The following WAC variants were observed in gnomAD, a reference collection of about 807,000 sequenced individuals.
WAC encodes the protein WW domain containing adaptor with coiled-coil, also known as WW domain-containing adapter protein with coiled-coil.
A neutral mutation model predicts 79.6 loss-of-function variants in WAC; 11 were observed. The ratio of observed to expected loss-of-function variants is 0.14; its 90% CI spans 0.09 to 0.23. The LOEUF (loss-of-function observed/expected upper bound fraction) is 0.23. Among genes scored for constraint, WAC ranks in the 10% least tolerant of loss-of-function variants. WAC has a pLI of 1.00. For synonymous variants in WAC, 304 were observed against 276.9 expected (o/e 1.10, Z -0.97); for missense variants, 728 against 773.5 (o/e 0.94, Z 0.70).
chr10:28,535,882 C>A, intron 3 of WAC, 125 bp downstream of exon 3: 1 of 851,494 alleles, frequency 1.2e-6, no homozygotes, highest in Non-Finnish European at 1.7e-6. Context: ...TATTTTAATC[C>A]TATCATTTTT....
intron 2 of WAC, chr10:28,534,484 C>T: frequency 6.3e-6 from 1 of 157,878 alleles, no homozygotes; most frequent in Admixed American, 6.5e-5. Context: ...AAAGTACTAC[C>T]CTTTCCCCTT....
At chr10:28,563,769 T>TTTTTTTTTTTTTTA (rs1163758803) in intron 3 of WAC, among the ~76,000 whole-genome samples, 20 of 120,550 alleles carry the variant, frequency 1.7e-4, no homozygotes, top group Non-Finnish European at 3.4e-4. Context: ...TTTTTTTTTT[T>TTTTTTTTTTTTTTA]TTTTGTATTT....
rs185566530 is a variant in WAC at position 28,606,610 on chromosome 10, G to A, written c.920-1576G>A. 1.6e-4 allele frequency among the ~76,000 whole-genome samples: 25 copies of A among 152,284 alleles called. No homozygotes were observed. In the East Asian group the frequency reaches 4.8e-3, roughly 29 times the overall value. The stretch of plus-strand genomic sequence containing the variant: ...CCTAGTTCTTTCGACCATTATAGTA[G>A]TGTAAAAAGACTCATAGGGGAGTCT... On this transcript the variant is annotated intron_variant, in intron 7 of 13. Coordinates refer to ENST00000354911, the MANE Select transcript of WAC (RefSeq NM_016628.5).
At chr10:28,617,603 T>C in intron 12 of WAC, 54 bp from the exon 13 acceptor site, 1 of 1,447,744 alleles carries the variant, frequency 6.9e-7, no homozygotes, top group Non-Finnish European at 9.2e-7. Context: ...TAATGTTTTA[T>C]TTTGTGTATG....
chr10:28,616,710 T>TA lies in WAC; in HGVS notation c.1746+350dup, dbSNP rs1841484188. Among the ~76,000 whole-genome samples the TA allele has an allele frequency of 2.0e-5, 3 of 152,212 alleles. No individual in the cohort carries two copies. The South Asian group carries it at 6.2e-4, about 32-fold the overall frequency. ...GACCTTGATCCCAGGGTCACCCAGT[T>TA]AACAGTGATGTGGCTCAAAGCCAGT... On this transcript the variant is annotated intron_variant, in intron 12 of 13. Coordinates refer to ENST00000354911, the MANE Select transcript of WAC (RefSeq NM_016628.5).
intron 4 of WAC, among the ~76,000 whole-genome samples, chr10:28,585,455 G>A (rs1839769640): frequency 6.6e-6 from 1 of 152,140 alleles, no homozygotes; most frequent in Non-Finnish European, 1.5e-5. Context: ...ACTATCAAAG[G>A]GTGGGACTGG....
At position 28,620,740 on chromosome 10, in the gene WAC, T is replaced by C. The variant is rs746255050; in HGVS notation, c.*1134T>C. On this transcript the variant is annotated 3_prime_UTR_variant, in exon 14 of 14. Transcript: ENST00000354911. ...AAGAAATTCAACAAGAATGATTAAGTCACTTCCCAAGTGGTTGTCATTTGT... is the reference window on the plus strand; with the variant it reads ...AAGAAATTCAACAAGAATGATTAAGCCACTTCCCAAGTGGTTGTCATTTGT... The C allele has an allele frequency of 1.4e-4, 22 of 152,240 alleles. No individual in the cohort carries two copies. Among genetic ancestry groups the C allele is most frequent in the Non-Finnish European group, 2.8e-4 (19 of 68,040 alleles). 9.4% of individuals were successfully genotyped at this position (152,240 alleles called of 1,614,324 possible).
chr10:28,563,744 C>CATTTTTT, intron 3 of WAC, among the ~76,000 whole-genome samples: 1 of 67,936 alleles, frequency 1.5e-5, no homozygotes, highest in Non-Finnish European at 2.6e-5. Flanking sequence ...CTACACCCAG[C>CATTTTTT]TTTTTTTTTT....
In WAC at chr10:28,620,578, T is replaced by C. The variant is rs1045019523; in HGVS notation, c.*972T>C. On this transcript the variant is annotated 3_prime_UTR_variant, in exon 14 of 14. Coordinates refer to ENST00000354911, the MANE Select transcript of WAC (RefSeq NM_016628.5). ...TTCTTTTCCTTCGGTCAGTGCACAT[T>C]AGCATTTGAACTACCTGGGGATTCT... 2 of 152,622 alleles carry C rather than the reference T, an allele frequency of 1.3e-5. No individual in the cohort carries two copies. The highest frequency in any genetic ancestry group is 4.8e-5 in the African/African-American group (2 of 41,468). 9.5% of individuals were successfully genotyped at this position (152,622 alleles called of 1,614,324 possible).
At chr10:28,555,138 C>T (rs566090674) in intron 3 of WAC, among the ~76,000 whole-genome samples, 6 of 152,186 alleles carry the variant, frequency 3.9e-5, no homozygotes, top group Non-Finnish European at 5.9e-5. Flanking sequence ...CCTCCTTAAC[C>T]GGTCTTTCTG....
chr10:28,544,518 C>T (rs1264266793), intron 3 of WAC, among the ~76,000 whole-genome samples: 1 of 152,126 alleles, frequency 6.6e-6, no homozygotes, highest in African/African-American at 2.4e-5. Flanking sequence ...TACCTCAGTG[C>T]CCAGACTGTG....
chr10:28,545,650 A>G (rs1034632943), intron 3 of WAC, among the ~76,000 whole-genome samples: 4 of 152,298 alleles, frequency 2.6e-5, no homozygotes, highest in South Asian at 2.1e-4. Flanking sequence ...TTATTTGGCA[A>G]ATTGTGTAAT....
chr10:28,558,676 G>C lies in WAC; in HGVS notation c.274+22919G>C, dbSNP rs142513296. Among the ~76,000 whole-genome samples, 3 of 152,198 alleles carry C rather than the reference G, an allele frequency of 2.0e-5. No individual in the cohort carries two copies. The East Asian group carries it at 5.8e-4, about 29-fold the overall frequency. ...ATTGTATCAGAGACTAAAATCATGGGTATTAATGAAAGCAAGTAAAATAAT... is the reference window on the plus strand; with the variant it reads ...ATTGTATCAGAGACTAAAATCATGGCTATTAATGAAAGCAAGTAAAATAAT... On this transcript the variant is annotated intron_variant, in intron 3 of 13. Transcript: ENST00000354911.
chr10:28,582,448 T>A (rs1370422118), intron 3 of WAC, among the ~76,000 whole-genome samples: 1 of 152,232 alleles, frequency 6.6e-6, no homozygotes, highest in Non-Finnish European at 1.5e-5. Context: ...TCCTAACTCA[T>A]TTCTGCTTTT....
At chr10:28,617,890 T>A in intron 13 of WAC, 106 bp downstream of exon 13, 3 of 1,271,232 alleles carry the variant, frequency 2.4e-6, no homozygotes, top group Non-Finnish European at 3.2e-6. Context: ...AAAGTTCTCT[T>A]CGATACATTG....
intron 3 of WAC, among the ~76,000 whole-genome samples, chr10:28,557,828 G>A (rs1452987212): frequency 1.3e-5 from 2 of 152,074 alleles, no homozygotes; most frequent in African/African-American, 2.4e-5. Context: ...TAATCCCAGC[G>A]CTTTCAGAGG....
rs1841664508 is a variant in WAC at position 28,620,961 on chromosome 10, A to G, written c.*1355A>G. ...CTTTGTATATTGTTTCCTAAAGTAT[A>G]TTAAAATAAAAAAAGAAACTATTGC... On this transcript the variant is annotated 3_prime_UTR_variant, in exon 14 of 14. Transcript: ENST00000354911. 6.6e-6 allele frequency: 1 copy of G among 152,182 alleles called. No homozygotes were observed. The highest frequency in any genetic ancestry group is 1.5e-5 in the Non-Finnish European group (1 of 68,022). 9.4% of individuals were successfully genotyped at this position (152,182 alleles called of 1,614,324 possible).
chr10:28,603,296 C>T (rs1468175462), intron 7 of WAC, among the ~76,000 whole-genome samples: 3 of 152,210 alleles, frequency 2.0e-5, no homozygotes, highest in Admixed American at 6.5e-5. Context: ...ACATTCAAAG[C>T]TGTCCTAGGC....
At chr10:28,590,918 T>G in intron 6 of WAC, 86 bp downstream of exon 6, 1 of 981,344 alleles carries the variant, frequency 1.0e-6, no homozygotes. Flanking sequence ...CATCTACATA[T>G]GTAAATTAAA....
Sources: gnomAD v4.1 joint callset for allele counts (sites outside exome capture counted in the v4.1 genomes callset) on GRCh38, gnomAD v4.1.1 for gene constraint, MANE v1.5 for transcripts, NCBI Gene and HGNC (gene_info 2026-07-23, HGNC 2026-07-21) for gene names.